Variants in SLC6A2 observed in about 807,000 individuals in gnomAD.
SLC6A2 encodes solute carrier family 6 member 2.
In SLC6A2, 26 loss-of-function variants were observed where a neutral mutation model predicts 71.7. That is an observed-to-expected ratio of 0.36 (90% CI 0.27 to 0.50). The LOEUF is 0.50. Ranked by LOEUF, SLC6A2 falls within the 20% of genes least tolerant of loss-of-function variation. SLC6A2 has a pLI of 0.96. For synonymous variants in SLC6A2, 363 were observed against 337.9 expected (o/e 1.07, Z -0.82); for missense variants, 581 against 803.9 (o/e 0.72, Z 3.35).
chr16:55,679,107 G>C (rs1254854487), intron 4 of SLC6A2, among the ~76,000 whole-genome samples: 1 of 152,082 alleles, frequency 6.6e-6, no homozygotes. Context: ...CCCATTATTT[G>C]GATAGTCAAG....
rs1567463173 is a variant in SLC6A2 at position 55,704,484 on chromosome 16, AAC to A, written c.*2140_*2141del. ...GCAAAGGAAAATTTCTTAGCAAAAG[AAC>A]AATGTGTTGGAGGATGGGAAGGGGC... is the stretch of plus-strand genomic sequence containing the variant. On this transcript the variant is annotated 3_prime_UTR_variant, in exon 15 of 15. Transcript: ENST00000568943. 4 of 152,362 alleles carry A rather than the reference AAC, an allele frequency of 2.6e-5. No individual in the cohort carries two copies. The highest frequency in any genetic ancestry group is 6.5e-5 in the Admixed American group (1 of 15,304). 9.4% of individuals were successfully genotyped at this position (152,362 alleles called of 1,614,324 possible). A position where few individuals can be genotyped will look rare whatever the true frequency, so the allele number is the denominator to read the frequency against.
chr16:55,698,690 C>T, intron 11 of SLC6A2, 122 bp downstream of exon 11: 2 of 743,528 alleles, frequency 2.7e-6, no homozygotes, highest in Non-Finnish European at 4.9e-6. Flanking sequence ...CAGCAAGTCA[C>T]TTATTGGGAA....
At chr16:55,664,967 G>A (rs1308074082) in intron 2 of SLC6A2, among the ~76,000 whole-genome samples, 1 of 152,196 alleles carries the variant, frequency 6.6e-6, no homozygotes, top group Admixed American at 6.5e-5. Context: ...ACCCTTCTGG[G>A]TCTACATGAA....
rs1461768575 is a variant in SLC6A2 at position 55,702,684 on chromosome 16, G to A, written c.*338G>A. ...CCCCACCACATTTGCCTAGACTTTG[G>A]GCACAGGAGTTCTTAGTCCACCAAA... On this transcript the variant is annotated 3_prime_UTR_variant, in exon 15 of 15. Coordinates refer to ENST00000568943, the MANE Select transcript of SLC6A2 (RefSeq NM_001172501.3). 8.2e-7 allele frequency: 1 copy of A among 1,222,618 alleles called. No homozygotes were observed. Among genetic ancestry groups the A allele is most frequent in the Non-Finnish European group, 1.0e-6 (1 of 974,718 alleles). 75.7% of individuals were successfully genotyped at this position (1,222,618 alleles called of 1,614,324 possible).
At chr16:55,659,230 A>C (rs1405426016) in intron 2 of SLC6A2, among the ~76,000 whole-genome samples, 1 of 152,120 alleles carries the variant, frequency 6.6e-6, no homozygotes, top group Non-Finnish European at 1.5e-5. Context: ...ATGCTGCTAG[A>C]AGTTCTTCCC....
At chr16:55,679,302 T>C (rs1427606664) in intron 4 of SLC6A2, among the ~76,000 whole-genome samples, 2 of 151,838 alleles carry the variant, frequency 1.3e-5, no homozygotes, top group Non-Finnish European at 2.9e-5. Context: ...ATCTTGGCTA[T>C]TGCAATCTCC....
intron 5 of SLC6A2, among the ~76,000 whole-genome samples, chr16:55,685,988 G>A (rs1395541613): frequency 2.0e-5 from 3 of 152,144 alleles, no homozygotes; most frequent in African/African-American, 7.2e-5. Flanking sequence ...ACCCCATTTG[G>A]ACTCTACAGG....
rs562787049 is a variant in SLC6A2 at position 55,702,573 on chromosome 16, A to G, written c.*227A>G. ...TCAGAGGAGAGGAGCAAACAGGAAA[A>G]TGACTTCTGTTCTGTCCCCGCTGTT... On this transcript the variant is annotated 3_prime_UTR_variant, in exon 15 of 15. Transcript: ENST00000568943. 3 of 1,446,038 alleles carry G rather than the reference A, an allele frequency of 2.1e-6. No individual in the cohort carries two copies. The highest frequency in any genetic ancestry group is 2.8e-5 in the African/African-American group (2 of 70,300). 89.6% of individuals were successfully genotyped at this position (1,446,038 alleles called of 1,614,324 possible).
At chr16:55,689,638 T>C (rs1965553226) in intron 5 of SLC6A2, among the ~76,000 whole-genome samples, 1 of 152,222 alleles carries the variant, frequency 6.6e-6, no homozygotes, top group African/African-American at 2.4e-5. Context: ...ATGTGAGAGC[T>C]CCTTCTTGTG....
chr16:55,688,938 A>G (rs1345429), intron 5 of SLC6A2, among the ~76,000 whole-genome samples: 68,911 of 151,994 alleles, frequency 0.45, 16,121 homozygotes, highest in East Asian at 0.7. Context: ...GAACCACACA[A>G]ATTATCCATA....
intron 14 of SLC6A2, 45 bp from the exon 15 acceptor site, chr16:55,702,278 T>C: frequency 6.2e-7 from 1 of 1,607,290 alleles, no homozygotes; most frequent in South Asian, 1.1e-5. Context: ...CTTGCTCCTT[T>C]CTGTCCCCAC....
chr16:55,702,665 C>G lies in SLC6A2; in HGVS notation c.*319C>G. On this transcript the variant is annotated 3_prime_UTR_variant, in exon 15 of 15. Transcript: ENST00000568943. ...GGTTCATGAGGTCGGAAATCCCCACCACATTTGCCTAGACTTTGGGCACAG... is the reference window on the plus strand; with the variant it reads ...GGTTCATGAGGTCGGAAATCCCCACGACATTTGCCTAGACTTTGGGCACAG... The G allele has an allele frequency of 3.9e-6, 5 of 1,293,156 alleles. No individual in the cohort carries two copies. In the South Asian group the frequency reaches 7.0e-5, roughly 18 times the overall value. 80.1% of individuals were successfully genotyped at this position (1,293,156 alleles called of 1,614,324 possible). A position where few individuals can be genotyped will look rare whatever the true frequency, so the allele number is the denominator to read the frequency against.
chr16:55,671,582 C>T (rs775085683), intron 3 of SLC6A2: 189 of 491,430 alleles, frequency 3.8e-4, no homozygotes, highest in Non-Finnish European at 6.0e-4. Context: ...CGCATGACCG[C>T]CTGAGCTCCG....
chr16:55,660,618 G>A (rs1456485016), intron 2 of SLC6A2, among the ~76,000 whole-genome samples: 1 of 152,226 alleles, frequency 6.6e-6, no homozygotes, highest in Non-Finnish European at 1.5e-5. Flanking sequence ...ACTGGAGTTT[G>A]AGTCTGAGCT....
chr16:55,683,314 T>G (rs1470617182), intron 4 of SLC6A2, among the ~76,000 whole-genome samples: 1 of 152,106 alleles, frequency 6.6e-6, no homozygotes, highest in African/African-American at 2.4e-5. Flanking sequence ...TTGTTTTTCT[T>G]ACTTATAAAA....
At position 55,656,257 on chromosome 16, in the gene SLC6A2, G is replaced by T; in HGVS notation, c.-52+88G>T. The T allele has an allele frequency of 3.5e-6, 1 of 284,908 alleles. No individual in the cohort carries two copies. Among genetic ancestry groups the T allele is most frequent in the South Asian group, 3.6e-5 (1 of 27,442 alleles). 17.6% of individuals were successfully genotyped at this position (284,908 alleles called of 1,614,324 possible). A position where few individuals can be genotyped will look rare whatever the true frequency, so the allele number is the denominator to read the frequency against. On this transcript the variant is annotated intron_variant, in intron 1 of 14. Transcript: ENST00000568943. This position sits in a 1 kb window ranked among gnomAD's most constrained non-coding sequence, Gnocchi z 4.5. The stretch of plus-strand genomic sequence containing the variant: ...CCAGCAGAGGGCTAGCGAGTTTGTA[G>T]TGCAGTGACGTTAAGTGTCCGAGAA...
chr16:55,695,105 A>G (rs1214915580), intron 7 of SLC6A2, among the ~76,000 whole-genome samples, 173 bp from the exon 8 acceptor site: 5 of 152,194 alleles, frequency 3.3e-5, no homozygotes, highest in Non-Finnish European at 7.3e-5. Flanking sequence ...CAGTTAGCCT[A>G]CTTCCTGCAC....
rs1278925472 is a variant in SLC6A2, at chr16:55,691,900, A to C, written c.784-18A>C. ...GGGGCCAGAGCGAGGCTCTCACCTG[A>C]ACTTATCCATTGCCCAGGTGGTGTG... is the stretch of plus-strand genomic sequence containing the variant. On this transcript the variant is annotated intron_variant, in intron 5 of 14. Coordinates refer to ENST00000568943, the MANE Select transcript of SLC6A2 (RefSeq NM_001172501.3). The C allele has an allele frequency of 6.2e-7, 1 of 1,614,012 alleles. No homozygotes were observed. The highest frequency in any genetic ancestry group is 8.5e-7 in the Non-Finnish European group (1 of 1,179,970).
chr16:55,691,832 C>T, intron 5 of SLC6A2, 86 bp from the exon 6 acceptor site: 1 of 1,479,558 alleles, frequency 6.8e-7, no homozygotes, highest in Non-Finnish European at 9.4e-7. Context: ...ATGACTGGCT[C>T]CCTGGGAAAG....
Sources: gnomAD v4.1 joint callset for allele counts (sites outside exome capture counted in the v4.1 genomes callset) on GRCh38, gnomAD v4.1.1 for gene constraint, Gnocchi (gnomAD v3.1) non-coding constraint, MANE v1.5 for transcripts, NCBI Gene and HGNC (gene_info 2026-07-23, HGNC 2026-07-21) for gene names.